HLCS: variants seen among roughly 807,000 people sequenced by gnomAD.
HLCS encodes the protein biotin--protein ligase.
A neutral mutation model predicts 75.0 loss-of-function variants in HLCS; 53 were observed. The observed-to-expected ratio is 0.71, with a 90% confidence interval of 0.57 to 0.89. HLCS has a LOEUF of 0.89. Ranked by LOEUF, HLCS falls within the 40% of genes least tolerant of loss-of-function variation. HLCS has a pLI of 0.00. For missense variants in HLCS, 966 were observed against 1,074.0 expected, an observed-to-expected ratio of 0.90 and a Z score of 1.41; for synonymous variants, 431 against 428.6, an observed-to-expected ratio of 1.01 and a Z score of -0.07.
chr21:36,907,459 C>A (rs1282124929), intron 5 of HLCS, among the ~76,000 whole-genome samples: 1 of 152,072 alleles, frequency 6.6e-6, no homozygotes, highest in African/African-American at 2.4e-5. Context: ...AGTTTGAGAC[C>A]AGCCTGGCCA....
chr21:36,818,056 C>T (rs1027839946), intron 6 of HLCS, among the ~76,000 whole-genome samples: 25 of 152,106 alleles, frequency 1.6e-4, no homozygotes, highest in African/African-American at 2.4e-4. Flanking sequence ...AAAGCAGTGT[C>T]GAATTAATTT....
intron 6 of HLCS, among the ~76,000 whole-genome samples, chr21:36,847,510 T>C (rs1250952447): frequency 1.3e-5 from 2 of 152,210 alleles, no homozygotes; most frequent in Non-Finnish European, 2.9e-5. Flanking sequence ...CTGGATTTTA[T>C]ATAAGGTAAG....
At chr21:36,857,257 G>A (rs1170960458) in intron 6 of HLCS, among the ~76,000 whole-genome samples, 6 of 152,148 alleles carry the variant, frequency 3.9e-5, no homozygotes, top group Non-Finnish European at 7.4e-5. Context: ...TTGCTTCAGC[G>A]ATATTCCCAA....
At chr21:36,790,213 A>G (rs9977713) in intron 6 of HLCS, among the ~76,000 whole-genome samples, 28,164 of 152,046 alleles carry the variant, frequency 0.19, 3,166 homozygotes, top group East Asian at 0.36. Flanking sequence ...AGACCATCCT[A>G]GCCAACATGG....
intron 6 of HLCS, among the ~76,000 whole-genome samples, chr21:36,835,839 G>A (rs552810906): frequency 2.6e-5 from 4 of 151,936 alleles, no homozygotes; most frequent in African/African-American, 2.4e-5. Flanking sequence ...ACATTCCTTC[G>A]GGCATGTCAG....
rs539909430 is a variant in HLCS at position 36,873,685 on chromosome 21, T to C, written c.1892+23175A>G. 7.9e-5 allele frequency among the ~76,000 whole-genome samples: 12 copies of C among 152,324 alleles called. No homozygotes were observed. In the East Asian group the frequency reaches 2.3e-3, roughly 29 times the overall value. On this transcript the variant is annotated intron_variant, in intron 6 of 10. Transcript: ENST00000674895. Reference sequence around the variant, plus strand: ...AGCCTGAAGTGCAGTGGTGCAATCATATCTCACTGCAGCCCTGACCTTTTA... The same window carrying C: ...AGCCTGAAGTGCAGTGGTGCAATCACATCTCACTGCAGCCCTGACCTTTTA...
rs960433494 is a variant in HLCS at position 36,936,628 on chromosome 21, A to G, written c.1258T>C (p.Ser420Pro). 8 of 1,614,090 alleles carry G rather than the reference A, an allele frequency of 5.0e-6. No homozygotes were observed. In the African/African-American group the frequency reaches 1.1e-4, roughly 22 times the overall value. Residue 420 changes from serine (S) to proline (P), a missense_variant, in exon 4 of 11, where the codon TCC (serine) becomes CCC (proline). Ser to Pro is a moderately conservative substitution (Grantham distance 74). Coordinates refer to ENST00000674895, the MANE Select transcript of HLCS (RefSeq NM_001352514.2). ...TTCACCTCGCTCTGGTCAGCCTTGGAGAAAACCAAGTTCTGGACTGTCTTG... is the reference window on the plus strand; with the variant it reads ...TTCACCTCGCTCTGGTCAGCCTTGGGGAAAACCAAGTTCTGGACTGTCTTG... ...LHKTVQNLVF[S>P]KADQSEVKLS...
intron 1 of HLCS, among the ~76,000 whole-genome samples, chr21:36,972,664 G>A (rs1434884239): frequency 6.6e-6 from 1 of 152,174 alleles, no homozygotes; most frequent in Non-Finnish European, 1.5e-5. Flanking sequence ...TTATATTTCT[G>A]TATTAATAAG....
intron 6 of HLCS, among the ~76,000 whole-genome samples, chr21:36,869,333 C>T (rs1250617113): frequency 1.3e-5 from 2 of 152,036 alleles, no homozygotes; most frequent in East Asian, 3.9e-4. Flanking sequence ...AGGGTTTCAC[C>T]GTGTTAGCCA....
intron 6 of HLCS, among the ~76,000 whole-genome samples, chr21:36,849,646 AC>A (rs1360061870): frequency 6.6e-6 from 1 of 152,026 alleles, no homozygotes; most frequent in East Asian, 1.9e-4. Flanking sequence ...GGCAGTATCC[AC>A]CCCAGCCCCC....
At chr21:36,986,723 T>C (rs1051615809) in intron 1 of HLCS, 5 of 152,252 alleles carry the variant, frequency 3.3e-5, no homozygotes, top group African/African-American at 1.2e-4. Context: ...CGGCCTACAA[T>C]GTGGTAACGT....
chr21:36,839,294 G>A (rs1300248598), intron 6 of HLCS, among the ~76,000 whole-genome samples: 1 of 152,214 alleles, frequency 6.6e-6, no homozygotes, highest in East Asian at 1.9e-4. Context: ...CCAGTCCAAC[G>A]TGAATGGCTC....
chr21:36,894,809 C>G (rs1198084582), intron 6 of HLCS, among the ~76,000 whole-genome samples: 1 of 151,562 alleles, frequency 6.6e-6, no homozygotes, highest in Non-Finnish European at 1.5e-5. Flanking sequence ...CAATGTCTGT[C>G]AAACACTTTT....
chr21:36,921,520 C>A (rs1418286839), intron 5 of HLCS, among the ~76,000 whole-genome samples: 1 of 152,158 alleles, frequency 6.6e-6, no homozygotes, highest in African/African-American at 2.4e-5. Flanking sequence ...ATGTAGGAGG[C>A]AGGTTGAATT....
intron 6 of HLCS, among the ~76,000 whole-genome samples, chr21:36,865,054 AG>A (rs2146205100): frequency 6.9e-6 from 1 of 145,960 alleles, no homozygotes; most frequent in East Asian, 2.2e-4. Context: ...CGTCTCAGAC[AG>A]GCTCCATCCA....
chr21:36,837,393 A>T (rs2062451821), intron 6 of HLCS, among the ~76,000 whole-genome samples: 1 of 152,222 alleles, frequency 6.6e-6, no homozygotes, highest in Non-Finnish European at 1.5e-5. Flanking sequence ...ATCCCCAACT[A>T]CACATCATCT....
intron 1 of HLCS, among the ~76,000 whole-genome samples, chr21:36,978,801 G>C (rs1300874943): frequency 6.6e-6 from 1 of 152,188 alleles, no homozygotes; most frequent in Non-Finnish European, 1.5e-5. Context: ...AGCGGACTCA[G>C]CTGGGAACTC....
intron 5 of HLCS, among the ~76,000 whole-genome samples, chr21:36,906,531 C>G (rs1043032946): frequency 6.6e-6 from 1 of 151,992 alleles, no homozygotes; most frequent in Non-Finnish European, 1.5e-5. Flanking sequence ...GACCCCATCT[C>G]AAAAACACAA....
intron 2 of HLCS, among the ~76,000 whole-genome samples, chr21:36,954,594 G>A (rs907647525): frequency 5.3e-5 from 8 of 151,892 alleles, no homozygotes; most frequent in Non-Finnish European, 1.0e-4. Flanking sequence ...CAGCCTGGGC[G>A]ACAGAGCAAG....
Sources: gnomAD v4.1 joint callset for allele counts (sites outside exome capture counted in the v4.1 genomes callset) on GRCh38, gnomAD v4.1.1 for gene constraint, MANE v1.5 for transcripts, NCBI Gene and HGNC (gene_info 2026-07-23, HGNC 2026-07-21) for gene names.